Variants in PDE5A observed in about 807,000 individuals in gnomAD.
The protein encoded by PDE5A is cGMP-specific 3',5'-cyclic phosphodiesterase.
A neutral mutation model predicts 110.2 loss-of-function variants in PDE5A; 67 were observed. The ratio of observed to expected loss-of-function variants is 0.61; its 90% CI spans 0.50 to 0.75. The LOEUF is 0.75. Among genes scored for constraint, PDE5A ranks in the 30% least tolerant of loss-of-function variants. PDE5A has a pLI of 0.00. For missense variants in PDE5A, 862 were observed against 1,045.1 expected (o/e 0.82, Z 2.42); for synonymous variants, 328 against 351.2 (o/e 0.93, Z 0.74).
rs1328644754 is a variant in PDE5A at position 119,525,561 on chromosome 4, C to A, written c.1767G>T (p.Gln589His). Reference protein sequence around the residue: ...FTDLNLVQNFQMKHEVLCRWI... With the variant: ...FTDLNLVQNFHMKHEVLCRWI... Reference sequence around the variant, plus strand: ...GCTGCATTCCTACCTCATGTTTCATCTGGAAGTTCTGCACAAGGTTGAGGT... The same window carrying A: ...GCTGCATTCCTACCTCATGTTTCATATGGAAGTTCTGCACAAGGTTGAGGT... The change falls in exon 12 of 21, where the codon CAG becomes CAT. Residue 589 changes from glutamine to histidine, a missense_variant. Transcript: ENST00000354960. This position sits in a 1 kb window ranked among gnomAD's most constrained non-coding sequence, Gnocchi z 4.3. 1 of 1,612,898 alleles carries A rather than the reference C, an allele frequency of 6.2e-7. No individual in the cohort carries two copies. Among genetic ancestry groups the A allele is most frequent in the South Asian group, 1.1e-5 (1 of 91,020 alleles).
intron 7 of PDE5A, among the ~76,000 whole-genome samples, chr4:119,557,508 G>A (rs1560614497): frequency 1.3e-5 from 2 of 152,244 alleles, no homozygotes; most frequent in East Asian, 1.9e-4. Flanking sequence ...TAGGTACGTG[G>A]AGCTTGAAAA....
At chr4:119,615,557 A>T (rs981375038) in intron 1 of PDE5A, among the ~76,000 whole-genome samples, 2 of 151,940 alleles carry the variant, frequency 1.3e-5, no homozygotes, top group Non-Finnish European at 2.9e-5. Flanking sequence ...AACACTCAAA[A>T]GTCCTTGGCC....
At chr4:119,507,345 A>T (rs757340266) in intron 16 of PDE5A, among the ~76,000 whole-genome samples, 3 of 151,928 alleles carry the variant, frequency 2.0e-5, no homozygotes, top group Non-Finnish European at 4.4e-5. Flanking sequence ...ACTGACCTTG[A>T]GATGGCTATT....
rs1040968750 is a variant in PDE5A at position 119,525,782 on chromosome 4, T to C, written c.1633-87A>G. The C allele has an allele frequency of 1.5e-6, 2 of 1,336,526 alleles. No individual in the cohort carries two copies. The highest frequency in any genetic ancestry group is 2.3e-5 in the East Asian group (1 of 42,656). 82.8% of individuals were successfully genotyped at this position (1,336,526 alleles called of 1,614,324 possible). A position where few individuals can be genotyped will look rare whatever the true frequency, so the allele number is the denominator to read the frequency against. On this transcript the variant is annotated intron_variant, in intron 11 of 20. Transcript: ENST00000354960. The surrounding 1 kb of genome is among the most constrained non-coding windows in gnomAD (Gnocchi z 4.3). ...GTTTTCTTGTTTTGCTGCAGAGAAA[T>C]AGCATATTGTGGCTTTTTTTTCCTT...
chr4:119,592,810 A>G (rs369390812), intron 3 of PDE5A, among the ~76,000 whole-genome samples: 4 of 152,242 alleles, frequency 2.6e-5, no homozygotes, highest in African/African-American at 9.6e-5. Flanking sequence ...TAAGAGTCCA[A>G]GGCTCATATT....
chr4:119,603,841 C>T (rs1729430249), intron 2 of PDE5A, among the ~76,000 whole-genome samples: 1 of 152,116 alleles, frequency 6.6e-6, no homozygotes, highest in African/African-American at 2.4e-5. Flanking sequence ...GAAACACTGC[C>T]ATACAGTGTC....
Position 119,525,735 on chromosome 4 carries a change from T to C in PDE5A, c.1633-40A>G, listed in dbSNP as rs778264153. ...GAAGAAAAAAAAAAATGCTGTTAAT[T>C]AAAGCAGCAGTGATTTGCAAGGTTT... On this transcript the variant is annotated intron_variant, in intron 11 of 20. Transcript: ENST00000354960. This position sits in a 1 kb window ranked among gnomAD's most constrained non-coding sequence, Gnocchi z 4.3. 39 of 1,579,504 alleles carry C rather than the reference T, an allele frequency of 2.5e-5. No homozygotes were observed. The highest frequency in any genetic ancestry group is 3.1e-5 in the Non-Finnish European group (36 of 1,160,172).
At position 119,628,722 on chromosome 4, in the gene PDE5A, G is replaced by A; in HGVS notation, c.-51C>T. 1 of 1,597,672 alleles carries A rather than the reference G, an allele frequency of 6.3e-7. No homozygotes were observed. Among genetic ancestry groups the A allele is most frequent in the South Asian group, 1.1e-5 (1 of 90,348 alleles). ...TCTCTGGTACTGCTTTTCCACCCCA[G>A]CTGGGGTCCGTCCCTCAGAAGAACA... On this transcript the variant is annotated 5_prime_UTR_variant, in exon 1 of 21. Coordinates refer to ENST00000354960, the MANE Select transcript of PDE5A (RefSeq NM_001083.4).
chr4:119,571,279 G>A (rs1217978579), intron 3 of PDE5A, among the ~76,000 whole-genome samples: 2 of 152,134 alleles, frequency 1.3e-5, no homozygotes, highest in African/African-American at 2.4e-5. Flanking sequence ...TGGAACCTAC[G>A]AATATGTGAC....
chr4:119,620,740 T>C (rs1420482799), intron 1 of PDE5A, among the ~76,000 whole-genome samples: 3 of 152,218 alleles, frequency 2.0e-5, no homozygotes, highest in Non-Finnish European at 4.4e-5. Flanking sequence ...AAGACCATCT[T>C]ATTACCAACT....
Position 119,545,158 on chromosome 4 carries a change from C to G in PDE5A, c.1397-2524G>C, listed in dbSNP as rs533550390. Among the ~76,000 whole-genome samples the G allele has an allele frequency of 1.1e-3, 169 of 152,242 alleles. 1 individual carries two copies. The highest frequency in any genetic ancestry group is 3.9e-3 in the African/African-American group (161 of 41,556). On this transcript the variant is annotated intron_variant, in intron 9 of 20. Transcript: ENST00000354960. ...TGATAATCCCATTGATCTCTTTACA[C>G]TCTTCGGAAAGTTTAATTCTATCAA... is the stretch of plus-strand genomic sequence containing the variant.
At chr4:119,570,715 C>T (rs887856965) in intron 3 of PDE5A, among the ~76,000 whole-genome samples, 1 of 152,180 alleles carries the variant, frequency 6.6e-6, no homozygotes, top group Non-Finnish European at 1.5e-5. Context: ...TACATTTCCC[C>T]ATCCCCGGTT....
chr4:119,599,776 A>G (rs985953629), intron 2 of PDE5A, among the ~76,000 whole-genome samples: 13 of 151,656 alleles, frequency 8.6e-5, no homozygotes, highest in Non-Finnish European at 1.9e-4. Flanking sequence ...CCCAAAGATA[A>G]TGAAGCTGAA....
At chr4:119,592,150 C>CAA (rs70944895) in intron 3 of PDE5A, among the ~76,000 whole-genome samples, 3,977 of 15,492 alleles carry the variant, frequency 0.26, 747 homozygotes, top group East Asian at 0.37. Flanking sequence ...GACTCTGTCT[C>CAA]AAAAAAAAAA....
rs1404420875 is a variant in PDE5A at position 119,628,802 on chromosome 4, G to C, written c.-131C>G. The C allele has an allele frequency of 4.3e-6, 6 of 1,398,718 alleles. No homozygotes were observed. The highest frequency in any genetic ancestry group is 1.8e-4 in the Middle Eastern group (1 of 5,580). 86.6% of individuals were successfully genotyped at this position (1,398,718 alleles called of 1,614,324 possible). On this transcript the variant is annotated 5_prime_UTR_variant, in exon 1 of 21. Transcript: ENST00000354960. Reference sequence around the variant, plus strand: ...TCCTGCTCCAGTCGGGCCGGCTTTCGACAAAGCGGCCGGAGCGCCAGGCCA... The same window carrying C: ...TCCTGCTCCAGTCGGGCCGGCTTTCCACAAAGCGGCCGGAGCGCCAGGCCA...
rs201851812 is a variant in PDE5A at position 119,525,525 on chromosome 4, C to T, written c.1779+24G>A. ...ACACACACATACACATAGACTTTTC[C>T]AAAGGATGTTGCTGCATTCCTACCT... On this transcript the variant is annotated intron_variant, in intron 12 of 20. Transcript: ENST00000354960. The surrounding 1 kb of genome is among the most constrained non-coding windows in gnomAD (Gnocchi z 4.3). 9.3e-5 allele frequency: 150 copies of T among 1,607,944 alleles called. No homozygotes were observed. The highest frequency in any genetic ancestry group is 1.2e-4 in the Non-Finnish European group (142 of 1,176,184).
chr4:119,596,440 T>C (rs1319277099), intron 3 of PDE5A, 83 bp downstream of exon 3: 5 of 636,566 alleles, frequency 7.9e-6, no homozygotes, highest in Admixed American at 3.1e-5. Flanking sequence ...CATTATTTCA[T>C]ATATATGCAA....
chr4:119,569,985 C>T (rs55994080), intron 3 of PDE5A, among the ~76,000 whole-genome samples: 31 of 152,142 alleles, frequency 2.0e-4, no homozygotes, highest in African/African-American at 5.8e-4. Context: ...TCTTTGTATA[C>T]TAAGAGACAA....
At chr4:119,609,639 T>C in intron 1 of PDE5A, among the ~76,000 whole-genome samples, 1 of 152,144 alleles carries the variant, frequency 6.6e-6, no homozygotes, top group African/African-American at 2.4e-5. Flanking sequence ...CCCCTTATAA[T>C]TTCAAGAGTT....
Sources: gnomAD v4.1 joint callset for allele counts (sites outside exome capture counted in the v4.1 genomes callset) on GRCh38, gnomAD v4.1.1 for gene constraint, Gnocchi (gnomAD v3.1) non-coding constraint, MANE v1.5 for transcripts, NCBI Gene and HGNC (gene_info 2026-07-23, HGNC 2026-07-21) for gene names.